The following LRMDA variants were observed in gnomAD, a reference collection of about 807,000 sequenced individuals.
LRMDA encodes the protein leucine-rich melanocyte differentiation-associated protein.
Under a neutral mutation model 29.8 loss-of-function variants are expected in LRMDA, and 18 were observed. The observed-to-expected ratio is 0.60, with a 90% CI of 0.42 to 0.90. LRMDA has a LOEUF of 0.90. Ranked by LOEUF, LRMDA falls within the 40% of genes least tolerant of loss-of-function variation. The pLI is 0.00. For synonymous variants in LRMDA, 125 were observed against 109.4 expected, an observed-to-expected ratio of 1.14 and a Z score of -0.89; for missense variants, 273 against 273.9, an observed-to-expected ratio of 1.00 and a Z score of 0.02.
chr10:75,979,324 C>A (rs570079262), intron 2 of LRMDA, among the ~76,000 whole-genome samples: 14 of 152,216 alleles, frequency 9.2e-5, no homozygotes, highest in Admixed American at 3.3e-4. Context: ...GTGAGATTGG[C>A]AGTTAATCAG....
At chr10:75,879,049 C>T (rs1298371192) in intron 2 of LRMDA, among the ~76,000 whole-genome samples, 1 of 152,238 alleles carries the variant, frequency 6.6e-6, no homozygotes, top group Non-Finnish European at 1.5e-5. Flanking sequence ...TCCAGAGACA[C>T]ATCTGTTCCC....
chr10:76,223,555 G>A (rs1851888965), intron 5 of LRMDA, among the ~76,000 whole-genome samples: 2 of 152,194 alleles, frequency 1.3e-5, no homozygotes, highest in African/African-American at 4.8e-5. Context: ...CTCAGGAAGT[G>A]ATTAAGTCAT....
chr10:75,563,532 T>C (rs1840328342), intron 2 of LRMDA, among the ~76,000 whole-genome samples: 1 of 152,196 alleles, frequency 6.6e-6, no homozygotes, highest in African/African-American at 2.4e-5. Context: ...TCTCAACTCG[T>C]CAAAGTCATT....
chr10:76,407,674 G>C (rs1307205918), intron 6 of LRMDA, among the ~76,000 whole-genome samples: 2 of 152,046 alleles, frequency 1.3e-5, no homozygotes, highest in African/African-American at 4.8e-5. Flanking sequence ...ATAGCCAAAG[G>C]GTGACCACAT....
intron 2 of LRMDA, among the ~76,000 whole-genome samples, chr10:75,749,904 T>C (rs942920105): frequency 6.6e-6 from 1 of 152,242 alleles, no homozygotes; most frequent in Non-Finnish European, 1.5e-5. Context: ...CATTTAACCC[T>C]GAGTGGACAC....
Position 76,356,144 on chromosome 10 carries a change from G to T in LRMDA, c.601+31659G>T, listed in dbSNP as rs185648260. Among the ~76,000 whole-genome samples, 111 of 152,280 alleles carry T rather than the reference G, an allele frequency of 7.3e-4. 1 individual carries two copies. The highest frequency in any genetic ancestry group is 7.1e-3 in the Admixed American group (109 of 15,280). On this transcript the variant is annotated intron_variant, in intron 6 of 6. Transcript: ENST00000611255. Reference sequence around the variant, plus strand: ...ATTTCTTTGAGGACAGGTATAACTGGACAATTGCAAAGTGTTTTAGAAAGA... The same window carrying T: ...ATTTCTTTGAGGACAGGTATAACTGTACAATTGCAAAGTGTTTTAGAAAGA...
At chr10:76,103,026 C>G (rs1449607363) in intron 5 of LRMDA, among the ~76,000 whole-genome samples, 1 of 152,024 alleles carries the variant, frequency 6.6e-6, no homozygotes, top group Non-Finnish European at 1.5e-5. Flanking sequence ...TGTGGTAATT[C>G]TACGTTTAAT....
intron 5 of LRMDA, among the ~76,000 whole-genome samples, chr10:76,255,487 A>G (rs546816591): frequency 4.6e-5 from 7 of 152,318 alleles, no homozygotes; most frequent in Middle Eastern, 3.4e-3. Flanking sequence ...TGCCTGAAAT[A>G]CACTGACATT....
chr10:75,441,104 C>T (rs1201987426), intron 2 of LRMDA, among the ~76,000 whole-genome samples: 3 of 152,114 alleles, frequency 2.0e-5, no homozygotes, highest in Non-Finnish European at 4.4e-5. Flanking sequence ...AGAGAAGAGA[C>T]AGGAGATTCT....
intron 2 of LRMDA, among the ~76,000 whole-genome samples, chr10:75,880,718 C>G (rs969413915): frequency 3.9e-5 from 6 of 152,348 alleles, no homozygotes; most frequent in African/African-American, 1.4e-4. Context: ...ATTTGCTAAG[C>G]TGGTGCATCA....
chr10:75,571,473 G>A (rs1485005279), intron 2 of LRMDA, among the ~76,000 whole-genome samples: 1 of 152,116 alleles, frequency 6.6e-6, no homozygotes, highest in Admixed American at 6.5e-5. Flanking sequence ...GCTGGGAAAA[G>A]CTGTGCTTTT....
At chr10:76,398,645 A>T (rs1474569588) in intron 6 of LRMDA, among the ~76,000 whole-genome samples, 1 of 152,232 alleles carries the variant, frequency 6.6e-6, no homozygotes, top group African/African-American at 2.4e-5. Flanking sequence ...TTTCATTCAA[A>T]TTACATTCAG....
At chr10:75,537,447 G>A (rs1484265559) in intron 2 of LRMDA, among the ~76,000 whole-genome samples, 1 of 152,162 alleles carries the variant, frequency 6.6e-6, no homozygotes, top group Non-Finnish European at 1.5e-5. Context: ...CCACAGCATT[G>A]TGATGTACCT....
chr10:75,960,546 TG>T (rs1480560404), intron 2 of LRMDA, among the ~76,000 whole-genome samples: 5 of 152,238 alleles, frequency 3.3e-5, no homozygotes. Flanking sequence ...TCCTTCTAAC[TG>T]GAGGTTTCCA....
At chr10:76,172,391 T>G (rs1850855173) in intron 5 of LRMDA, among the ~76,000 whole-genome samples, 1 of 152,038 alleles carries the variant, frequency 6.6e-6, no homozygotes, top group Non-Finnish European at 1.5e-5. Flanking sequence ...ATCTACAGAG[T>G]ATATCTAGAC....
chr10:75,824,267 A>G (rs956459847), intron 2 of LRMDA, among the ~76,000 whole-genome samples: 2 of 152,188 alleles, frequency 1.3e-5, no homozygotes, highest in Non-Finnish European at 2.9e-5. Context: ...TACTAGAAAC[A>G]TTTAAATTAT....
chr10:75,521,583 G>C (rs760006751), intron 2 of LRMDA, among the ~76,000 whole-genome samples: 1 of 152,144 alleles, frequency 6.6e-6, no homozygotes, highest in Non-Finnish European at 1.5e-5. Flanking sequence ...TATTTGGTTG[G>C]GAGTGTCCCG....
chr10:75,779,984 A>G (rs1843361134), intron 2 of LRMDA, among the ~76,000 whole-genome samples: 1 of 152,188 alleles, frequency 6.6e-6, no homozygotes, highest in African/African-American at 2.4e-5. Flanking sequence ...TGTAAGAGAA[A>G]GGAGGAGATC....
At chr10:76,318,046 A>G (rs754632615) in intron 5 of LRMDA, among the ~76,000 whole-genome samples, 2 of 152,204 alleles carry the variant, frequency 1.3e-5, no homozygotes, top group Non-Finnish European at 2.9e-5. Context: ...AGGTTACCAA[A>G]AGAAATTATG....
Sources: gnomAD v4.1 joint callset for allele counts (sites outside exome capture counted in the v4.1 genomes callset) on GRCh38, gnomAD v4.1.1 for gene constraint, MANE v1.5 for transcripts, NCBI Gene and HGNC (gene_info 2026-07-23, HGNC 2026-07-21) for gene names.